The following CFAP96 variants were observed in gnomAD, a reference collection of about 807,000 sequenced individuals.
CFAP96 encodes cilia and flagella associated protein 96.
At chr4:185,435,928 G>T in the CFAP96 span, 1 of 730,604 alleles carries the variant, frequency 1.4e-6, no homozygotes, top group Admixed American at 3.6e-5. Context: ...AATGAAATTA[G>T]ATTAAAACTA....
At chr4:185,411,954 C>A in the CFAP96 span, among the ~76,000 whole-genome samples, 1 of 152,084 alleles carries the variant, frequency 6.6e-6, no homozygotes, top group African/African-American at 2.4e-5. Context: ...AACATATACG[C>A]TGAAACTACT....
the CFAP96 span, among the ~76,000 whole-genome samples, chr4:185,446,311 T>A: frequency 6.6e-6 from 1 of 152,218 alleles, no homozygotes. Flanking sequence ...ATGAATTCTT[T>A]TGGGAAAGAA....
At chr4:185,445,589 C>A in the CFAP96 span, 1 of 1,182,182 alleles carries the variant, frequency 8.5e-7, no homozygotes, top group Non-Finnish European at 1.2e-6. Flanking sequence ...GCCAACATAA[C>A]TATAATGCTT....
At chr4:185,438,772 G>A in the CFAP96 span, among the ~76,000 whole-genome samples, 1 of 152,162 alleles carries the variant, frequency 6.6e-6, no homozygotes, top group Non-Finnish European at 1.5e-5. Flanking sequence ...AGGTGTGATA[G>A]GAGCTATGCT....
the CFAP96 span, among the ~76,000 whole-genome samples, chr4:185,434,841 C>A: frequency 5.3e-5 from 8 of 152,038 alleles, no homozygotes; most frequent in African/African-American, 9.7e-5. Flanking sequence ...CAGGTTCAAG[C>A]GAGATTCTCC....
the CFAP96 span, among the ~76,000 whole-genome samples, chr4:185,438,766 G>A: frequency 6.6e-6 from 1 of 152,164 alleles, no homozygotes; most frequent in Non-Finnish European, 1.5e-5. Flanking sequence ...TTTGTTAGGT[G>A]TGATAGGAGC....
At chr4:185,425,865 C>T in the CFAP96 span, 4 of 1,604,046 alleles carry the variant, frequency 2.5e-6, no homozygotes, top group Non-Finnish European at 3.4e-6. Context: ...GAGATACTCA[C>T]CATGTCCGCG....
At chr4:185,411,824 T>C in the CFAP96 span, among the ~76,000 whole-genome samples, 3 of 152,180 alleles carry the variant, frequency 2.0e-5, no homozygotes, top group Admixed American at 1.3e-4. Context: ...ATACCAGAGA[T>C]GTTTGATATG....
the CFAP96 span, among the ~76,000 whole-genome samples, chr4:185,419,195 G>A: frequency 6.1e-4 from 92 of 151,866 alleles, no homozygotes; most frequent in African/African-American, 1.9e-3. Flanking sequence ...GCAGTGGCGC[G>A]ATCTGGGCTC....
the CFAP96 span, among the ~76,000 whole-genome samples, chr4:185,429,916 C>T: frequency 2.0e-5 from 3 of 152,182 alleles, no homozygotes; most frequent in African/African-American, 7.2e-5. Flanking sequence ...AGAGACCCTC[C>T]CCACTCAGCG....
the CFAP96 span, among the ~76,000 whole-genome samples, chr4:185,438,265 C>T: frequency 1.3e-5 from 2 of 152,040 alleles, no homozygotes. Flanking sequence ...ACCCTATTAA[C>T]TTAAAAAAAA....
the CFAP96 span, chr4:185,426,055 G>A: frequency 1.5e-6 from 1 of 648,312 alleles, no homozygotes; most frequent in African/African-American, 1.8e-5. Context: ...GGCGAGGCGG[G>A]GCGGGTAGCC....
the CFAP96 span, chr4:185,415,897 G>A: frequency 1.3e-6 from 2 of 1,550,922 alleles, no homozygotes; most frequent in Admixed American, 1.8e-5. Flanking sequence ...TAGTCAACTT[G>A]TAGTGCATTA....
At chr4:185,428,583 CA>C in the CFAP96 span, among the ~76,000 whole-genome samples, 143,618 of 148,648 alleles carry the variant, frequency 0.97, 69,372 homozygotes, top group Non-Finnish European at 0.99. Flanking sequence ...ACAACAACAA[CA>C]AAAAAAAAAG....
At chr4:185,442,823 C>T in the CFAP96 span, among the ~76,000 whole-genome samples, 6 of 152,136 alleles carry the variant, frequency 3.9e-5, no homozygotes, top group Non-Finnish European at 8.8e-5. Context: ...CTTCACTCCC[C>T]ACTTTTTACT....
chr4:185,440,026 C>A, the CFAP96 span, among the ~76,000 whole-genome samples: 1 of 146,390 alleles, frequency 6.8e-6, no homozygotes, highest in African/African-American at 2.6e-5. Context: ...CTCATATATA[C>A]ATATAATTTT....
At chr4:185,421,577 C>T in the CFAP96 span, among the ~76,000 whole-genome samples, 1 of 152,190 alleles carries the variant, frequency 6.6e-6, no homozygotes, top group African/African-American at 2.4e-5. Flanking sequence ...CTTTGCCTTC[C>T]ACCATGATTG....
the CFAP96 span, among the ~76,000 whole-genome samples, chr4:185,441,512 G>A: frequency 6.6e-6 from 1 of 151,828 alleles, no homozygotes; most frequent in African/African-American, 2.4e-5. Context: ...ATGATTGGAT[G>A]TAGTCAGATT....
the CFAP96 span, among the ~76,000 whole-genome samples, chr4:185,428,733 A>G: frequency 1.3e-5 from 2 of 152,162 alleles, no homozygotes; most frequent in Non-Finnish European, 2.9e-5. Flanking sequence ...TCATTGTAGA[A>G]TTTTTGTTTT....
Sources: gnomAD v4.1 joint callset for allele counts (sites outside exome capture counted in the v4.1 genomes callset) on GRCh38, gnomAD v4.1.1 for gene constraint, MANE v1.5 for transcripts, NCBI Gene and HGNC (gene_info 2026-07-23, HGNC 2026-07-21) for gene names.